GPR63: variants seen among roughly 807,000 people sequenced by gnomAD.
GPR63 encodes the protein G protein-coupled receptor 63, also known as probable G protein-coupled receptor 63.
In GPR63, 12 loss-of-function variants were observed where a neutral mutation model predicts 23.1. The observed-to-expected ratio is 0.52, with a 90% CI of 0.33 to 0.84. The LOEUF is 0.84. Ranked by LOEUF, GPR63 falls within the 40% of genes least tolerant of loss-of-function variation. The probability of loss-of-function intolerance (pLI) is 0.02; values close to 1 mark genes in which losing one functional copy is unlikely to be tolerated. For missense variants in GPR63, 472 were observed against 515.6 expected (o/e 0.92, Z 0.82); for synonymous variants, 172 against 191.1 (o/e 0.90, Z 0.82).
At chr6:96,803,121 G>C (rs1176825305) in intron 1 of GPR63, among the ~76,000 whole-genome samples, 3 of 152,136 alleles carry the variant, frequency 2.0e-5, no homozygotes, top group African/African-American at 7.2e-5. Context: ...TGAAAACAGG[G>C]GGACTGAGTG....
At chr6:96,818,913 G>GA (rs1464602269) in intron 1 of GPR63, among the ~76,000 whole-genome samples, 1 of 152,062 alleles carries the variant, frequency 6.6e-6, no homozygotes, top group Non-Finnish European at 1.5e-5. Flanking sequence ...ACAAACATAG[G>GA]AAAAAAAGCT....
At chr6:96,829,631 T>A (rs542442499) in intron 1 of GPR63, among the ~76,000 whole-genome samples, 2 of 152,004 alleles carry the variant, frequency 1.3e-5, no homozygotes, top group East Asian at 3.9e-4. Flanking sequence ...GCCCAGGAGG[T>A]CAAGGCTACA....
intron 1 of GPR63, among the ~76,000 whole-genome samples, chr6:96,821,330 A>G (rs1261548234): frequency 6.6e-6 from 1 of 152,176 alleles, no homozygotes; most frequent in African/African-American, 2.4e-5. Context: ...ATCCTTGCAA[A>G]TGACTATTTT....
intron 1 of GPR63, among the ~76,000 whole-genome samples, chr6:96,801,623 C>T (rs1773768180): frequency 6.6e-6 from 1 of 152,208 alleles, no homozygotes; most frequent in Admixed American, 6.5e-5. Context: ...GGACTCTCTA[C>T]ATACCTATAG....
chr6:96,799,923 GA>G, intron 1 of GPR63, 42 bp from the exon 2 acceptor site: 1 of 620,786 alleles, frequency 1.6e-6, no homozygotes, highest in East Asian at 2.8e-5. Flanking sequence ...TGAGAAATGA[GA>G]TTTGCAAATA....
intron 1 of GPR63, 108 bp from the exon 2 acceptor site, chr6:96,799,989 A>C: frequency 2.0e-6 from 1 of 493,904 alleles, no homozygotes; most frequent in Non-Finnish European, 3.7e-6. Context: ...GCTCTTTTTG[A>C]CCGTTTAAAA....
At chr6:96,807,441 A>G (rs527724547) in intron 1 of GPR63, among the ~76,000 whole-genome samples, 1 of 152,364 alleles carries the variant, frequency 6.6e-6, no homozygotes, top group South Asian at 2.1e-4. Flanking sequence ...AGTGGATTAC[A>G]TGGACTACTT....
At chr6:96,820,605 T>TA (rs895458232) in intron 1 of GPR63, among the ~76,000 whole-genome samples, 3 of 152,126 alleles carry the variant, frequency 2.0e-5, no homozygotes, top group Non-Finnish European at 2.9e-5. Flanking sequence ...GTAATTTTTT[T>TA]AAAAAAAGCA....
intron 1 of GPR63, among the ~76,000 whole-genome samples, chr6:96,835,469 C>G (rs1158884096): frequency 2.0e-5 from 3 of 152,050 alleles, no homozygotes; most frequent in East Asian, 1.9e-4. Flanking sequence ...AAACAATCAA[C>G]CCAAATTAAA....
chr6:96,836,349 C>T (rs1204192580), intron 1 of GPR63, among the ~76,000 whole-genome samples: 3 of 152,156 alleles, frequency 2.0e-5, no homozygotes, highest in Non-Finnish European at 4.4e-5. Context: ...AGAAACACTA[C>T]TCCTAGAACT....
chr6:96,797,977 C>G lies in GPR63; in HGVS notation c.*495G>C, dbSNP rs1010707781. On this transcript the variant is annotated 3_prime_UTR_variant, in exon 2 of 2. Transcript: ENST00000229955. Reference sequence around the variant, plus strand: ...GTGCACCAAAGTAAATAGTAATGACCCTTAAAATGTCGCTAACCTTCCTGG... The same window carrying G: ...GTGCACCAAAGTAAATAGTAATGACGCTTAAAATGTCGCTAACCTTCCTGG... The G allele has an allele frequency of 2.6e-5, 4 of 153,658 alleles. No individual in the cohort carries two copies. The highest frequency in any genetic ancestry group is 5.8e-5 in the Non-Finnish European group (4 of 69,052). The allele number at this position is 153,658 out of a possible 1,614,324, so 9.5% of individuals were successfully genotyped here.
chr6:96,798,786 T>C lies in GPR63; in HGVS notation c.946A>G (p.Ile316Val), dbSNP rs778991504. The change falls in exon 2 of 2, where the codon ATT (isoleucine) becomes GTT (valine). Residue 316 changes from isoleucine to valine, a missense_variant. Transcript: ENST00000229955. ...ATGAAGACAGCAAAGAGAATCAAAA[T>C]AGTGGTGAAGGCACGTGTTTTAAAG... Reference protein sequence around the residue: ...MGFKTRAFTTILILFAVFIVC... With the variant: ...MGFKTRAFTTVLILFAVFIVC... 1.2e-6 allele frequency: 2 copies of C among 1,614,140 alleles called. No individual in the cohort carries two copies. The highest frequency in any genetic ancestry group is 2.2e-5 in the South Asian group (2 of 91,080).
At chr6:96,836,825 C>A (rs917777014) in intron 1 of GPR63, among the ~76,000 whole-genome samples, 1 of 152,018 alleles carries the variant, frequency 6.6e-6, no homozygotes, top group Non-Finnish European at 1.5e-5. Flanking sequence ...TAAATTTCAG[C>A]CCTCAAGCAG....
rs367730410 is a variant in GPR63, at chr6:96,803,872, C to G, written c.-150-3991G>C. On this transcript the variant is annotated intron_variant, in intron 1 of 1. Coordinates refer to ENST00000229955, the MANE Select transcript of GPR63 (RefSeq NM_030784.4). ...GGAGTCTTAATGTTAAATCCAATCT[C>G]GACTAGTCTTTATTTGCCATTTGTT... Among the ~76,000 whole-genome samples the G allele has an allele frequency of 5.3e-5, 8 of 152,280 alleles. No homozygotes were observed. The South Asian group carries it at 1.0e-3, about 20-fold the overall frequency.
chr6:96,807,789 T>C (rs532117212), intron 1 of GPR63, among the ~76,000 whole-genome samples: 1 of 152,318 alleles, frequency 6.6e-6, no homozygotes, highest in Non-Finnish European at 1.5e-5. Flanking sequence ...TCCTGAGTTT[T>C]GTTAGGAAGT....
intron 1 of GPR63, among the ~76,000 whole-genome samples, chr6:96,833,568 TC>T (rs2127962992): frequency 6.6e-6 from 1 of 152,196 alleles, no homozygotes; most frequent in East Asian, 1.9e-4. Flanking sequence ...CCAAGGAAGA[TC>T]CTTAGAAGTT....
chr6:96,811,271 C>T (rs543931301), intron 1 of GPR63, among the ~76,000 whole-genome samples: 6 of 152,306 alleles, frequency 3.9e-5, no homozygotes, highest in African/African-American at 1.4e-4. Context: ...TATCCCCTAA[C>T]GGATAAACAG....
At position 96,798,622 on chromosome 6, in the gene GPR63, G is replaced by A. The variant is rs757660726; in HGVS notation, c.1110C>T (p.Ile370=). The A allele has an allele frequency of 1.2e-6, 2 of 1,614,102 alleles. No homozygotes were observed. The highest frequency in any genetic ancestry group is 2.2e-5 in the East Asian group (1 of 44,896). The change falls in exon 2 of 2, where the codon ATC becomes ATT. Residue 370 remains isoleucine, a synonymous_variant. Coordinates refer to ENST00000229955, the MANE Select transcript of GPR63 (RefSeq NM_030784.4). ...GGAATTTCTTAATCCTCCAGTAGTA[G>A]ATCAGCGGATTCAATGCAGACTTGA... The part of the protein sequence containing the change: ...CYLKSALNPL[I]YYWRIKKFHD...
At chr6:96,833,197 A>G (rs1182805626) in intron 1 of GPR63, among the ~76,000 whole-genome samples, 1 of 152,192 alleles carries the variant, frequency 6.6e-6, no homozygotes, top group Non-Finnish European at 1.5e-5. Context: ...CACTTACCTG[A>G]ACATTTTTCC....
Sources: allele counts gnomAD v4.1 joint callset (sites outside exome capture counted in the v4.1 genomes callset), GRCh38; gene constraint gnomAD v4.1.1; transcripts MANE v1.5; gene names NCBI Gene and HGNC (gene_info 2026-07-23, HGNC 2026-07-21).